The following DRAM2 variants were observed in gnomAD, a reference collection of about 807,000 sequenced individuals.
DRAM2 encodes DNA damage-regulated autophagy modulator protein 2.
Under a neutral mutation model 33.5 loss-of-function variants are expected in DRAM2, and 26 were observed. That is an observed-to-expected ratio of 0.78 (90% CI 0.57 to 1.08). The LOEUF (loss-of-function observed/expected upper bound fraction) is 1.08. DRAM2 is among the 50% of genes least tolerant of loss of function. DRAM2 has a pLI of 0.00. For missense variants in DRAM2, 311 were observed against 318.1 expected, an observed-to-expected ratio of 0.98 and a Z score of 0.17; for synonymous variants, 98 against 109.5, an observed-to-expected ratio of 0.89 and a Z score of 0.66.
chr1:111,131,503 A>G lies in DRAM2; in HGVS notation c.52T>C (p.Trp18Arg). The change falls in exon 4 of 10, where the codon TGG becomes CGG. Residue 18 changes from tryptophan (W) to arginine (R), a missense_variant. By Grantham distance (101) the Trp-to-Arg change is moderately radical. Transcript: ENST00000484310. ...LSFLPSALVI[W>R]TSAAFIFSYI... ...GAAAATATGAAAGCAGCAGATGTCC[A>G]AATTACAAGGGCTGAAGGAAGGAAA... The G allele has an allele frequency of 1.2e-6, 2 of 1,614,218 alleles. No homozygotes were observed. Among genetic ancestry groups the G allele is most frequent in the Non-Finnish European group, 1.7e-6 (2 of 1,180,022 alleles).
intron 6 of DRAM2, among the ~76,000 whole-genome samples, chr1:111,123,094 C>A (rs1448429687): frequency 6.6e-6 from 1 of 152,070 alleles, no homozygotes; most frequent in Non-Finnish European, 1.5e-5. Context: ...CAATCACCAT[C>A]CTCACACTGA....
chr1:111,131,723 CTT>C (rs1166555970), intron 3 of DRAM2, among the ~76,000 whole-genome samples, 155 bp from the exon 4 acceptor site: 7 of 152,218 alleles, frequency 4.6e-5, no homozygotes, highest in African/African-American at 1.7e-4. Context: ...CTCTCCTTCC[CTT>C]TCTTAGTGAG....
intron 3 of DRAM2, among the ~76,000 whole-genome samples, chr1:111,136,045 T>C (rs1368695156): frequency 2.0e-5 from 3 of 152,236 alleles, no homozygotes; most frequent in Non-Finnish European, 4.4e-5. Context: ...ATTCTATTTC[T>C]ACAAGTCATT....
intron 3 of DRAM2, 148 bp from the exon 4 acceptor site, chr1:111,131,716 T>G: frequency 1.4e-6 from 1 of 709,792 alleles, no homozygotes; most frequent in Non-Finnish European, 2.3e-6. Flanking sequence ...ATACTCGCTC[T>G]CCTTCCCTTT....
At chr1:111,119,655 G>T in intron 8 of DRAM2, 1 of 490,310 alleles carries the variant, frequency 2.0e-6, no homozygotes, top group Non-Finnish European at 3.6e-6. Flanking sequence ...TTCTGCCATC[G>T]CAATGCTCTT....
At chr1:111,138,163 T>A (rs921825243) in intron 2 of DRAM2, among the ~76,000 whole-genome samples, 1 of 152,250 alleles carries the variant, frequency 6.6e-6, no homozygotes, top group African/African-American at 2.4e-5. Flanking sequence ...AGTACAACTT[T>A]ATGTATGATT....
intron 3 of DRAM2, among the ~76,000 whole-genome samples, chr1:111,133,661 G>C (rs2101103808): frequency 6.6e-6 from 1 of 152,292 alleles, no homozygotes; most frequent in Non-Finnish European, 1.5e-5. Flanking sequence ...TAGAGGTTAA[G>C]ACAATTGCCC....
chr1:111,124,398 A>C (rs2101039819), intron 6 of DRAM2, among the ~76,000 whole-genome samples: 1 of 152,328 alleles, frequency 6.6e-6, no homozygotes, highest in East Asian at 1.9e-4. Context: ...ATTAAAAACA[A>C]AACTTTTAAA....
chr1:111,119,116 T>A (rs1222675736), intron 8 of DRAM2, among the ~76,000 whole-genome samples: 1 of 151,904 alleles, frequency 6.6e-6, no homozygotes, highest in Non-Finnish European at 1.5e-5. Context: ...CGAATAAAAT[T>A]TCCAATTAAA....
At chr1:111,122,627 A>C (rs984233922) in intron 6 of DRAM2, 2 of 151,980 alleles carry the variant, frequency 1.3e-5, no homozygotes, top group African/African-American at 4.8e-5. Context: ...ACTTTAATTA[A>C]GTAGTAAACG....
At chr1:111,127,480 C>A (rs1318950553) in intron 4 of DRAM2, among the ~76,000 whole-genome samples, 3 of 151,168 alleles carry the variant, frequency 2.0e-5, no homozygotes, top group Non-Finnish European at 4.4e-5. Flanking sequence ...AAAAAATCTG[C>A]AGTGAAAATA....
intron 3 of DRAM2, 127 bp from the exon 4 acceptor site, chr1:111,131,695 G>A (rs1242584298): frequency 4.9e-6 from 4 of 813,710 alleles, no homozygotes; most frequent in Non-Finnish European, 7.6e-6. Context: ...CATCCCTCAT[G>A]CCATACCCCA....
chr1:111,120,832 A>C, intron 6 of DRAM2, 139 bp from the exon 7 acceptor site: 1 of 646,898 alleles, frequency 1.5e-6, no homozygotes, highest in East Asian at 3.3e-5. Context: ...CAAACAAATT[A>C]CTTTCTGAAG....
At chr1:111,136,008 CTCACATGCTG>C (rs1653069109) in intron 3 of DRAM2, among the ~76,000 whole-genome samples, 1 of 152,134 alleles carries the variant, frequency 6.6e-6, no homozygotes, top group South Asian at 2.1e-4. Flanking sequence ...TTATAAAGTC[CTCACATGCTG>C]TCACCAAGTG....
Position 111,125,118 on chromosome 1 carries a change from C to T in DRAM2, c.200-237G>A, listed in dbSNP as rs143628007. 4.7e-3 allele frequency among the ~76,000 whole-genome samples: 711 copies of T among 152,140 alleles called. 3 individuals are homozygous for T. The highest frequency in any genetic ancestry group is 7.4e-3 in the Non-Finnish European group (505 of 67,976). The stretch of plus-strand genomic sequence containing the variant: ...ACTCCAACTCCTGACCTCAAGTGAT[C>T]CATTAGCCTCAGCCTCCCAGATAGC... On this transcript the variant is annotated intron_variant, in intron 5 of 9. Transcript: ENST00000484310.
At chr1:111,118,302 G>C (rs750569733) in intron 9 of DRAM2, 35 bp from the exon 10 acceptor site, 1 of 1,460,620 alleles carries the variant, frequency 6.8e-7, no homozygotes, top group Admixed American at 1.8e-5. Context: ...ATAGAAGTTT[G>C]CTCCTTAAAG....
intron 6 of DRAM2, among the ~76,000 whole-genome samples, chr1:111,124,100 C>T (rs1650553787): frequency 6.6e-6 from 1 of 152,166 alleles, no homozygotes; most frequent in Non-Finnish European, 1.5e-5. Flanking sequence ...AACCACTACA[C>T]CCTGCTCCAC....
chr1:111,136,815 A>C (rs1312352562), intron 3 of DRAM2, among the ~76,000 whole-genome samples: 1 of 152,138 alleles, frequency 6.6e-6, no homozygotes, highest in Non-Finnish European at 1.5e-5. Context: ...TCTACTAGAA[A>C]TACAAAAAAT....
At chr1:111,138,262 C>T (rs546334996) in intron 2 of DRAM2, among the ~76,000 whole-genome samples, 8 of 152,252 alleles carry the variant, frequency 5.3e-5, no homozygotes, top group Admixed American at 2.6e-4. Flanking sequence ...AGAAGCAGGG[C>T]TTGAAATGGT....
Sources: gnomAD v4.1 joint callset for allele counts (sites outside exome capture counted in the v4.1 genomes callset) on GRCh38, gnomAD v4.1.1 for gene constraint, MANE v1.5 for transcripts, NCBI Gene and HGNC (gene_info 2026-07-23, HGNC 2026-07-21) for gene names.